Variants in GLMN observed in about 807,000 individuals in gnomAD.
GLMN encodes the protein glomulin, FKBP associated protein.
In GLMN, 75 loss-of-function variants were observed where a neutral mutation model predicts 87.8. The observed-to-expected ratio is 0.85, with a 90% CI of 0.71 to 1.04. The LOEUF (loss-of-function observed/expected upper bound fraction) is 1.04, where lower values mean the gene tolerates loss of function less well. Ranked by LOEUF, GLMN falls within the 50% of genes least tolerant of loss-of-function variation. The pLI is 0.00. For synonymous variants in GLMN, 206 were observed against 221.6 expected, an observed-to-expected ratio of 0.93 and a Z score of 0.63; for missense variants, 588 against 658.8, an observed-to-expected ratio of 0.89 and a Z score of 1.18.
At chr1:92,359,349 C>A in the GLMN span, among the ~76,000 whole-genome samples, 2 of 152,152 alleles carry the variant, frequency 1.3e-5, no homozygotes, top group African/African-American at 4.8e-5. Context: ...GACAGAGTTA[C>A]GCTCTTGTTG....
chr1:92,268,915 CT>C (rs10706669), intron 9 of GLMN, among the ~76,000 whole-genome samples: 88,160 of 120,344 alleles, frequency 0.73, 29,840 homozygotes, highest in East Asian at 0.88. Flanking sequence ...CTGTAATTTC[CT>C]TTTTTTTTTT....
the GLMN span, among the ~76,000 whole-genome samples, chr1:92,329,598 A>G: frequency 6.6e-6 from 1 of 152,188 alleles, no homozygotes; most frequent in African/African-American, 2.4e-5. Flanking sequence ...TCTTGGAGCA[A>G]AAGTTCATGA....
the GLMN span, among the ~76,000 whole-genome samples, chr1:92,327,373 T>C: frequency 0.26 from 39,539 of 152,112 alleles, 6,522 homozygotes; most frequent in Non-Finnish European, 0.35. Context: ...AGGATTGTCA[T>C]ATTTTCCTAT....
chr1:92,369,680 G>T, the GLMN span, among the ~76,000 whole-genome samples: 5 of 151,936 alleles, frequency 3.3e-5, no homozygotes, highest in African/African-American at 1.2e-4. Context: ...TGTGTATTGG[G>T]GTAGGAGTTG....
chr1:92,361,404 G>A, the GLMN span, among the ~76,000 whole-genome samples: 2 of 152,124 alleles, frequency 1.3e-5, no homozygotes, highest in African/African-American at 4.8e-5. Flanking sequence ...TACATCAAAA[G>A]AATGAATGGA....
intron 18 of GLMN, 125 bp downstream of exon 18, chr1:92,246,937 C>A: frequency 2.7e-6 from 2 of 738,776 alleles, no homozygotes; most frequent in East Asian, 4.9e-5. Flanking sequence ...GTGGGTGGAT[C>A]ACTTGAGCCC....
At chr1:92,314,260 A>C in the GLMN span, among the ~76,000 whole-genome samples, 3 of 151,912 alleles carry the variant, frequency 2.0e-5, no homozygotes, top group Admixed American at 6.6e-5. Context: ...AGTGAAAGAA[A>C]GTGTGACTCT....
the GLMN span, among the ~76,000 whole-genome samples, chr1:92,354,560 A>T: frequency 6.6e-6 from 1 of 152,236 alleles, no homozygotes; most frequent in East Asian, 1.9e-4. Flanking sequence ...AGTGGAAAGC[A>T]TCCCTGCTTC....
the GLMN span, among the ~76,000 whole-genome samples, chr1:92,306,601 C>T: frequency 6.6e-6 from 1 of 152,038 alleles, no homozygotes; most frequent in Admixed American, 6.6e-5. Context: ...GTGGCTCACA[C>T]CTATAATTCC....
At chr1:92,294,673 G>C (rs1473543537) in intron 3 of GLMN, among the ~76,000 whole-genome samples, 3 of 152,000 alleles carry the variant, frequency 2.0e-5, no homozygotes, top group African/African-American at 7.3e-5. Context: ...TTAAATTGTA[G>C]TCAGTTTTTT....
chr1:92,306,444 A>C, the GLMN span, among the ~76,000 whole-genome samples: 1 of 152,256 alleles, frequency 6.6e-6, no homozygotes, highest in Admixed American at 6.5e-5. Context: ...GTGATAGCAA[A>C]AAAATTAGAA....
chr1:92,345,560 C>G, the GLMN span, among the ~76,000 whole-genome samples: 3 of 151,698 alleles, frequency 2.0e-5, no homozygotes, highest in African/African-American at 7.3e-5. Flanking sequence ...TTTAATCAAG[C>G]AATTTAGTTT....
At chr1:92,284,124 A>G (rs1648435000) in intron 7 of GLMN, among the ~76,000 whole-genome samples, 3 of 152,204 alleles carry the variant, frequency 2.0e-5, no homozygotes. Context: ...AAACTATTTT[A>G]AAGTTGATAT....
chr1:92,261,047 C>T (rs763734779), intron 16 of GLMN, among the ~76,000 whole-genome samples: 1 of 152,126 alleles, frequency 6.6e-6, no homozygotes, highest in Non-Finnish European at 1.5e-5. Flanking sequence ...TAGGTACAGC[C>T]TTTCTTGATT....
chr1:92,284,481 TAA>T (rs1648486307), intron 7 of GLMN, among the ~76,000 whole-genome samples: 1 of 152,176 alleles, frequency 6.6e-6, no homozygotes, highest in Non-Finnish European at 1.5e-5. Context: ...CAAGATGGAT[TAA>T]AGACTTAAAT....
At position 92,287,154 on chromosome 1, in the gene GLMN, T is replaced by C. The variant is rs868434581; in HGVS notation, c.633-562A>G. ...CTGAACTATTCCATTGAATTCTGAA[T>C]GTTTGAGGGCTGGTGCTAGTCTATG... On this transcript the variant is annotated intron_variant, in intron 6 of 18. Coordinates refer to ENST00000370360, the MANE Select transcript of GLMN (RefSeq NM_053274.3). Among the ~76,000 whole-genome samples, 115 of 152,302 alleles carry C rather than the reference T, an allele frequency of 7.6e-4. 1 individual carries two copies. Among genetic ancestry groups the C allele is most frequent in the African/African-American group, 2.6e-3 (108 of 41,568 alleles).
At chr1:92,318,721 G>A in the GLMN span, among the ~76,000 whole-genome samples, 1 of 152,134 alleles carries the variant, frequency 6.6e-6, no homozygotes, top group African/African-American at 2.4e-5. Context: ...CTTGCTTTAT[G>A]ATTTATTTGT....
chr1:92,288,139 T>G (rs542841670), intron 6 of GLMN, among the ~76,000 whole-genome samples: 1 of 152,270 alleles, frequency 6.6e-6, no homozygotes, highest in South Asian at 2.1e-4. Context: ...ACAGCCATAT[T>G]GAACAGTAGA....
chr1:92,335,271 A>G, the GLMN span, among the ~76,000 whole-genome samples: 1 of 152,224 alleles, frequency 6.6e-6, no homozygotes, highest in Admixed American at 6.5e-5. Context: ...AAAATGAAGC[A>G]AAGGTAGCAA....
Sources: allele counts gnomAD v4.1 joint callset (sites outside exome capture counted in the v4.1 genomes callset), GRCh38; gene constraint gnomAD v4.1.1; transcripts MANE v1.5; gene names NCBI Gene and HGNC (gene_info 2026-07-23, HGNC 2026-07-21).